PRR16: variants seen among roughly 807,000 people sequenced by gnomAD.
The protein encoded by PRR16 is protein Largen.
In PRR16, 6 loss-of-function variants were observed where a neutral mutation model predicts 18.2. The ratio of observed to expected loss-of-function variants is 0.33; its 90% CI spans 0.18 to 0.65. The LOEUF is 0.65. PRR16 is among the 30% of genes least tolerant of loss of function. The pLI, the probability that PRR16 is intolerant of heterozygous loss-of-function variation, is 0.74. For missense variants in PRR16, 412 were observed against 376.6 expected, an observed-to-expected ratio of 1.09 and a Z score of -0.78; for synonymous variants, 151 against 147.8, an observed-to-expected ratio of 1.02 and a Z score of -0.16.
At chr5:120,662,360 G>T (rs1214009799) in intron 1 of PRR16, among the ~76,000 whole-genome samples, 3 of 152,072 alleles carry the variant, frequency 2.0e-5, no homozygotes, top group Non-Finnish European at 4.4e-5. Flanking sequence ...CGATAACTCA[G>T]TTGCAATCAT....
the PRR16 span, among the ~76,000 whole-genome samples, chr5:120,776,331 A>ATCTT: frequency 6.6e-6 from 1 of 152,172 alleles, no homozygotes; most frequent in African/African-American, 2.4e-5. Context: ...ACATCTTTTC[A>ATCTT]TCTTTGGTTT....
chr5:120,644,424 A>AT (rs5870908), intron 1 of PRR16, among the ~76,000 whole-genome samples: 140,633 of 152,104 alleles, frequency 0.92, 65,009 homozygotes, highest in East Asian at 0.95. Flanking sequence ...ATGATGTTTA[A>AT]TTTTGTTCAT....
intron 1 of PRR16, among the ~76,000 whole-genome samples, chr5:120,482,171 C>G (rs1749640680): frequency 6.6e-6 from 1 of 151,972 alleles, no homozygotes; most frequent in Non-Finnish European, 1.5e-5. Context: ...GGTACATGTG[C>G]AGGTTTTTAA....
intron 1 of PRR16, among the ~76,000 whole-genome samples, chr5:120,514,819 C>T (rs1750934998): frequency 6.6e-6 from 1 of 152,172 alleles, no homozygotes; most frequent in South Asian, 2.1e-4. Context: ...TTTCTTTCTT[C>T]TGAGCTCTCA....
At chr5:120,646,660 G>C (rs1206570880) in intron 1 of PRR16, among the ~76,000 whole-genome samples, 6 of 151,968 alleles carry the variant, frequency 3.9e-5, no homozygotes, top group Non-Finnish European at 7.4e-5. Context: ...TGATATGTTA[G>C]ATATATTATA....
intron 1 of PRR16, among the ~76,000 whole-genome samples, chr5:120,593,674 AC>A (rs1753711543): frequency 6.6e-6 from 1 of 152,144 alleles, no homozygotes; most frequent in Non-Finnish European, 1.5e-5. Flanking sequence ...CCATCCTGAT[AC>A]CAAAACCTGG....
intron 1 of PRR16, among the ~76,000 whole-genome samples, chr5:120,619,353 T>A (rs1754614255): frequency 6.6e-6 from 1 of 152,154 alleles, no homozygotes; most frequent in African/African-American, 2.4e-5. Flanking sequence ...AATTATAAAG[T>A]TGACTAGGAA....
chr5:120,511,953 G>T (rs554041217), intron 1 of PRR16, among the ~76,000 whole-genome samples: 1 of 152,138 alleles, frequency 6.6e-6, no homozygotes, highest in Non-Finnish European at 1.5e-5. Context: ...ACGTTTTGAT[G>T]AAAGAGAAAT....
At chr5:120,527,857 A>G (rs557955765) in intron 1 of PRR16, among the ~76,000 whole-genome samples, 1 of 152,334 alleles carries the variant, frequency 6.6e-6, no homozygotes, top group Non-Finnish European at 1.5e-5. Flanking sequence ...CCCTAGAAGT[A>G]CATGCTAGCC....
At chr5:120,637,379 G>A (rs1755270948) in intron 1 of PRR16, among the ~76,000 whole-genome samples, 1 of 140,986 alleles carries the variant, frequency 7.1e-6, no homozygotes, top group African/African-American at 2.6e-5. Context: ...AAAATTTGCA[G>A]TTTCAAAAAT....
chr5:120,668,805 A>G (rs890400134), intron 1 of PRR16, among the ~76,000 whole-genome samples: 43 of 152,194 alleles, frequency 2.8e-4, no homozygotes, highest in Admixed American at 1.2e-3. Context: ...TGGCTTGTAG[A>G]GTTTCTGCCG....
At chr5:120,577,037 C>T (rs553699978) in intron 1 of PRR16, among the ~76,000 whole-genome samples, 5 of 151,890 alleles carry the variant, frequency 3.3e-5, no homozygotes, top group South Asian at 2.1e-4. Context: ...TAAATGATTT[C>T]GTTTTCCAAC....
At chr5:120,478,390 A>G (rs899805172) in intron 1 of PRR16, among the ~76,000 whole-genome samples, 3 of 152,172 alleles carry the variant, frequency 2.0e-5, no homozygotes, top group Non-Finnish European at 4.4e-5. Context: ...TACTAGTTTC[A>G]TTAAACTCAT....
At chr5:120,472,983 ATTTGT>A (rs1411560842) in intron 1 of PRR16, among the ~76,000 whole-genome samples, 1 of 152,088 alleles carries the variant, frequency 6.6e-6, no homozygotes, top group Admixed American at 6.6e-5. Context: ...CAGCATTTTT[ATTTGT>A]TTTATTTTTT....
Position 120,636,728 on chromosome 5 carries a change from A to G in PRR16, c.160-49226A>G, listed in dbSNP as rs148087995. 3.1e-3 allele frequency among the ~76,000 whole-genome samples: 472 copies of G among 152,284 alleles called. 2 individuals carry two copies. The highest frequency in any genetic ancestry group is 0.011 in the African/African-American group (448 of 41,560). On this transcript the variant is annotated intron_variant, in intron 1 of 1. Transcript: ENST00000407149. Reference sequence around the variant, plus strand: ...TTTCTAGTCATTGACTTCGGCAAACACTTCATGATCAAGAACCCAAAAGGA... The same window carrying G: ...TTTCTAGTCATTGACTTCGGCAAACGCTTCATGATCAAGAACCCAAAAGGA...
rs79017602 is a variant in PRR16 at position 120,542,763 on chromosome 5, C to T, written c.159+78118C>T. On this transcript the variant is annotated intron_variant, in intron 1 of 1. Coordinates refer to ENST00000407149, the MANE Select transcript of PRR16 (RefSeq NM_001300783.2). ...GTCATCCCCTTGCAGTATTGTGTAG[C>T]TGGTACTGAAAATGTTCTTTGAAGG... 4.4e-3 allele frequency among the ~76,000 whole-genome samples: 673 copies of T among 152,188 alleles called. 2 individuals are homozygous for T. Among genetic ancestry groups the T allele is most frequent in the African/African-American group, 0.015 (639 of 41,530 alleles).
the PRR16 span, among the ~76,000 whole-genome samples, chr5:120,712,320 A>G: frequency 1.3e-4 from 20 of 152,278 alleles, no homozygotes; most frequent in African/African-American, 4.8e-4. Flanking sequence ...CCTATTGTAC[A>G]TTAGATCTCT....
At position 120,464,373 on chromosome 5, in the gene PRR16, G is replaced by A; in HGVS notation, c.-114G>A. On this transcript the variant is annotated 5_prime_UTR_variant, in exon 1 of 2. Transcript: ENST00000407149. ...AGCCACTCGCCGCTGCCCAGGGAGC[G>A]CCCAAGATGTGGGGGGACCGGGGCG... 1.7e-6 allele frequency: 2 copies of A among 1,210,788 alleles called. No individual in the cohort carries two copies. Among genetic ancestry groups the A allele is most frequent in the East Asian group, 2.9e-5 (1 of 34,796 alleles). The allele number at this position is 1,210,788 out of a possible 1,614,324, so 75.0% of individuals were successfully genotyped here.
intron 1 of PRR16, among the ~76,000 whole-genome samples, chr5:120,662,042 A>C (rs1756191104): frequency 6.6e-6 from 1 of 152,068 alleles, no homozygotes; most frequent in Non-Finnish European, 1.5e-5. Context: ...ATGGAGTGTA[A>C]TGGGCTATAG....
Sources: gnomAD v4.1 joint callset for allele counts (sites outside exome capture counted in the v4.1 genomes callset) on GRCh38, gnomAD v4.1.1 for gene constraint, MANE v1.5 for transcripts, NCBI Gene and HGNC (gene_info 2026-07-23, HGNC 2026-07-21) for gene names.